The following CTIF variants were observed in gnomAD, a reference collection of about 807,000 sequenced individuals.
CTIF encodes CBP80/20-dependent translation initiation factor.
CTIF carries 21 observed loss-of-function variants against 66.0 expected under a neutral mutation model. The observed-to-expected ratio is 0.32, with a 90% confidence interval of 0.23 to 0.46. The LOEUF (loss-of-function observed/expected upper bound fraction) is 0.46. Ranked by LOEUF, CTIF falls within the 20% of genes least tolerant of loss-of-function variation. The probability of loss-of-function intolerance (pLI) is 1.00; values close to 1 mark genes in which losing one functional copy is unlikely to be tolerated. For synonymous variants in CTIF, 345 were observed against 326.4 expected, an observed-to-expected ratio of 1.06 and a Z score of -0.62; for missense variants, 739 against 812.7, an observed-to-expected ratio of 0.91 and a Z score of 1.10.
intron 2 of CTIF, among the ~76,000 whole-genome samples, chr18:48,621,807 GGA>G (rs1271439044): frequency 6.6e-6 from 1 of 152,180 alleles, no homozygotes; most frequent in African/African-American, 2.4e-5. Flanking sequence ...GCTGTAAAGG[GGA>G]GAGACATGTG....
chr18:48,541,385 C>T (rs1166526968), intron 1 of CTIF, among the ~76,000 whole-genome samples: 2 of 152,198 alleles, frequency 1.3e-5, no homozygotes, highest in African/African-American at 4.8e-5. Context: ...CGAGAGAGCG[C>T]CGCCGCTGCT....
At chr18:48,845,031 G>T (rs1228009925) in intron 10 of CTIF, among the ~76,000 whole-genome samples, 1 of 151,848 alleles carries the variant, frequency 6.6e-6, no homozygotes, top group Non-Finnish European at 1.5e-5. Flanking sequence ...CAGATTCCCA[G>T]ACCATTCTAG....
At chr18:48,637,457 C>A (rs299718) in intron 3 of CTIF, among the ~76,000 whole-genome samples, 43,583 of 152,172 alleles carry the variant, frequency 0.29, 7,774 homozygotes, top group African/African-American at 0.5. Flanking sequence ...GTCCAGCCTC[C>A]GACTATGCCT....
At chr18:48,717,315 C>T (rs2092290888) in intron 7 of CTIF, among the ~76,000 whole-genome samples, 2 of 151,840 alleles carry the variant, frequency 1.3e-5, no homozygotes, top group South Asian at 2.1e-4. Context: ...GGAGAATTGC[C>T]TGAACCTGGG....
chr18:48,600,596 T>G (rs996882666), intron 1 of CTIF, among the ~76,000 whole-genome samples: 10 of 151,812 alleles, frequency 6.6e-5, no homozygotes, highest in African/African-American at 2.4e-4. Flanking sequence ...TTGTTGCGCT[T>G]TGAGTCAAGG....
intron 3 of CTIF, among the ~76,000 whole-genome samples, chr18:48,659,538 C>T (rs894673188): frequency 2.2e-4 from 34 of 152,202 alleles, no homozygotes; most frequent in African/African-American, 3.1e-4. Flanking sequence ...AGATGGGGTC[C>T]GGCTCCTTGG....
intron 9 of CTIF, among the ~76,000 whole-genome samples, chr18:48,804,592 C>G (rs1463724501): frequency 6.6e-6 from 1 of 152,212 alleles, no homozygotes; most frequent in Non-Finnish European, 1.5e-5. Context: ...GCTACCAGGT[C>G]TCTCTGCCGC....
intron 7 of CTIF, among the ~76,000 whole-genome samples, chr18:48,747,848 G>A (rs1259281615): frequency 1.3e-5 from 2 of 151,668 alleles, no homozygotes; most frequent in African/African-American, 4.8e-5. Flanking sequence ...AGCCCTGGAG[G>A]TCAAGGTTGC....
At chr18:48,690,098 C>G (rs941465240) in intron 6 of CTIF, among the ~76,000 whole-genome samples, 3 of 152,200 alleles carry the variant, frequency 2.0e-5, no homozygotes, top group African/African-American at 7.2e-5. Flanking sequence ...TTCCTCAGAG[C>G]AGGGCTCATG....
chr18:48,720,148 T>G (rs953001262), intron 7 of CTIF, among the ~76,000 whole-genome samples: 1 of 152,214 alleles, frequency 6.6e-6, no homozygotes, highest in Non-Finnish European at 1.5e-5. Flanking sequence ...GTGACCGTAC[T>G]TGCTCTTTAA....
chr18:48,539,100 C>G lies in CTIF; in HGVS notation c.-241C>G, dbSNP rs376600764. ...TTTTTCCTTCCTCTACTCCCTCCCC[C>G]CTACCCGCCCCTCCCTCCCTGTTTC... On this transcript the variant is annotated 5_prime_UTR_variant, in exon 1 of 12. Transcript: ENST00000256413. 4 of 148,234 alleles carry G rather than the reference C, an allele frequency of 2.7e-5. No individual in the cohort carries two copies. Among genetic ancestry groups the G allele is most frequent in the East Asian group, 4.0e-4 (2 of 4,982 alleles). 9.2% of individuals were successfully genotyped at this position (148,234 alleles called of 1,614,324 possible).
At chr18:48,826,691 T>TAA (rs2068588497) in intron 10 of CTIF, 1 of 152,248 alleles carries the variant, frequency 6.6e-6, no homozygotes, top group South Asian at 2.1e-4. Flanking sequence ...GTCTCATCTG[T>TAA]CATGGAACCC....
chr18:48,678,175 TAAGC>T (rs2091667901), intron 6 of CTIF, among the ~76,000 whole-genome samples: 1 of 152,104 alleles, frequency 6.6e-6, no homozygotes, highest in African/African-American at 2.4e-5. Flanking sequence ...ATTTCCTTAA[TAAGC>T]AAGAACAAGA....
intron 9 of CTIF, among the ~76,000 whole-genome samples, chr18:48,808,145 A>G (rs1041309937): frequency 1.3e-5 from 2 of 152,346 alleles, no homozygotes; most frequent in African/African-American, 2.4e-5. Context: ...ACCAGCATTG[A>G]CAATTACCAT....
chr18:48,655,927 G>C (rs536139122), intron 3 of CTIF, among the ~76,000 whole-genome samples: 1 of 152,352 alleles, frequency 6.6e-6, no homozygotes, highest in African/African-American at 2.4e-5. Context: ...TCACTGCACA[G>C]TTGTGTATTC....
chr18:48,810,588 A>C (rs115578629), intron 9 of CTIF, among the ~76,000 whole-genome samples: 1 of 152,018 alleles, frequency 6.6e-6, no homozygotes, highest in African/African-American at 2.4e-5. Flanking sequence ...GCTTGTTTCA[A>C]TTTAATCTTA....
intron 1 of CTIF, among the ~76,000 whole-genome samples, chr18:48,573,824 A>T (rs1455134835): frequency 6.6e-6 from 1 of 152,232 alleles, no homozygotes; most frequent in Non-Finnish European, 1.5e-5. Flanking sequence ...GGAAGGCAGC[A>T]CACTGCACTG....
At chr18:48,772,534 C>CAGCAAT (rs1555690381) in intron 9 of CTIF, among the ~76,000 whole-genome samples, 9 of 152,024 alleles carry the variant, frequency 5.9e-5, no homozygotes, top group South Asian at 2.1e-4. Context: ...GCCTCCCCTC[C>CAGCAAT]ATCTTCCATC....
chr18:48,852,399 C>T (rs1378905957), intron 10 of CTIF, among the ~76,000 whole-genome samples: 1 of 152,164 alleles, frequency 6.6e-6, no homozygotes, highest in Non-Finnish European at 1.5e-5. Context: ...GAACCAGCCC[C>T]TCGCAGTTGG....
Sources: gnomAD v4.1 joint callset for allele counts (sites outside exome capture counted in the v4.1 genomes callset) on GRCh38, gnomAD v4.1.1 for gene constraint, MANE v1.5 for transcripts, NCBI Gene and HGNC (gene_info 2026-07-23, HGNC 2026-07-21) for gene names.